CNTLN: variants seen among roughly 807,000 people sequenced by gnomAD.
CNTLN encodes centlein, centrosomal protein.
In CNTLN, 212 loss-of-function variants were observed where a neutral mutation model predicts 180.0. The observed-to-expected ratio is 1.18, with a 90% CI of 1.05 to 1.32. CNTLN has a LOEUF of 1.32. CNTLN is among the 40% of genes most tolerant of loss of function. The probability of loss-of-function intolerance (pLI) is 0.00; values close to 1 mark genes in which losing one functional copy is unlikely to be tolerated. For missense variants in CNTLN, 2,095 were observed against 1,610.9 expected (o/e 1.30, Z -5.14); for synonymous variants, 722 against 563.1 (o/e 1.28, Z -3.99).
chr9:17,143,282 T>G lies in CNTLN; in HGVS notation c.361-6T>G. On this transcript the variant is annotated splice_region_variant and splice_polypyrimidine_tract_variant and intron_variant, in intron 1 of 25. Transcript: ENST00000380647. ...ATGCATCTAAATTCTCTTTTATTTCTTTAAGGCTGATAAAGAATTTGTATG... is the reference window on the plus strand; with the variant it reads ...ATGCATCTAAATTCTCTTTTATTTCGTTAAGGCTGATAAAGAATTTGTATG... 6.2e-7 allele frequency: 1 copy of G among 1,607,394 alleles called. No individual in the cohort carries two copies. Among genetic ancestry groups the G allele is most frequent in the Non-Finnish European group, 8.5e-7 (1 of 1,175,138 alleles).
chr9:17,309,586 A>G (rs1818982508), intron 8 of CNTLN, among the ~76,000 whole-genome samples: 1 of 52,020 alleles, frequency 1.9e-5, no homozygotes, highest in South Asian at 4.4e-4. Context: ...AATAGAAAGT[A>G]TCTAACTAAG....
intron 1 of CNTLN, among the ~76,000 whole-genome samples, chr9:17,135,692 C>T (rs1283064831): frequency 1.3e-5 from 2 of 152,152 alleles, no homozygotes; most frequent in African/African-American, 2.4e-5. Flanking sequence ...TGGATACTCG[C>T]AGTCGCATCC....
At position 17,464,252 on chromosome 9, in the gene CNTLN, T is replaced by G. The variant is rs1489422042; in HGVS notation, c.3405-245T>G. Among the ~76,000 whole-genome samples the G allele has an allele frequency of 2.6e-5, 4 of 151,388 alleles. No homozygotes were observed. The East Asian group carries it at 7.7e-4, about 29-fold the overall frequency. ...TGTTATTAATTTTTCTCATTTCTTA[T>G]ATATTTTGTTTTAATACATATATGT... On this transcript the variant is annotated intron_variant, in intron 20 of 25. Transcript: ENST00000380647.
At chr9:17,500,072 T>C (rs1272305235) in intron 25 of CNTLN, among the ~76,000 whole-genome samples, 2 of 152,222 alleles carry the variant, frequency 1.3e-5, no homozygotes, top group Admixed American at 1.3e-4. Flanking sequence ...GCAAGGGCAG[T>C]AGATGTACAC....
Position 17,135,378 on chromosome 9 carries a change from C to T in CNTLN, c.313C>T (p.Leu105=). 6.3e-7 allele frequency: 1 copy of T among 1,599,552 alleles called. No homozygotes were observed. Among genetic ancestry groups the T allele is most frequent in the Non-Finnish European group, 8.5e-7 (1 of 1,174,072 alleles). ...EEAMVTRTQL[L]EEELSSLKEE... ...GGCGATGGTGACCCGGACGCAGCTG[C>T]TGGAGGAAGAGCTGAGCAGCCTAAA... The change falls in exon 1 of 26, where the codon CTG becomes TTG. Residue 105 remains leucine, a synonymous_variant. Transcript: ENST00000380647.
In CNTLN at chr9:17,152,321, A is replaced by G. The variant is rs180674853; in HGVS notation, c.449+8945A>G. Reference sequence around the variant, plus strand: ...TTAGTACTATAAATTCCCCCTAAACACTGCTTTAGCTGTGTCCCAGAGATT... The same window carrying G: ...TTAGTACTATAAATTCCCCCTAAACGCTGCTTTAGCTGTGTCCCAGAGATT... On this transcript the variant is annotated intron_variant, in intron 2 of 25. Coordinates refer to ENST00000380647, the MANE Select transcript of CNTLN (RefSeq NM_017738.4). 5.1e-3 allele frequency among the ~76,000 whole-genome samples: 772 copies of G among 152,260 alleles called. 5 individuals are homozygous for G. Among genetic ancestry groups the G allele is most frequent in the Admixed American group, 8.0e-3 (122 of 15,298 alleles).
chr9:17,448,111 G>A (rs1014082768), intron 18 of CNTLN: 29 of 194,256 alleles, frequency 1.5e-4, no homozygotes, highest in South Asian at 4.5e-4. Flanking sequence ...GCCAAGTACC[G>A]TACTCCCTTC....
intron 1 of CNTLN, among the ~76,000 whole-genome samples, chr9:17,138,855 G>C (rs1466061812): frequency 6.6e-6 from 1 of 152,082 alleles, no homozygotes. Flanking sequence ...ATGGCAATTT[G>C]GGGTGTCTGT....
intron 2 of CNTLN, among the ~76,000 whole-genome samples, chr9:17,212,444 G>T (rs1276610688): frequency 6.6e-6 from 1 of 152,186 alleles, no homozygotes; most frequent in African/African-American, 2.4e-5. Context: ...ATGTGCTGCT[G>T]GATTTGGTTT....
intron 18 of CNTLN, among the ~76,000 whole-genome samples, chr9:17,417,828 A>T (rs1828381917): frequency 6.6e-6 from 1 of 151,802 alleles, no homozygotes; most frequent in Admixed American, 6.6e-5. Context: ...CTAATTTTTG[A>T]GGTGCCATAC....
chr9:17,164,457 GTTTT>G (rs772109564), intron 2 of CNTLN, among the ~76,000 whole-genome samples: 15 of 68,458 alleles, frequency 2.2e-4, no homozygotes, highest in African/African-American at 3.6e-4. Context: ...TTATTTTTAT[GTTTT>G]TTTTTTTTTT....
At chr9:17,346,181 G>A (rs2133247229) in intron 12 of CNTLN, among the ~76,000 whole-genome samples, 1 of 152,262 alleles carries the variant, frequency 6.6e-6, no homozygotes, top group South Asian at 2.1e-4. Context: ...CAGAGGAGAG[G>A]AGTGAGAAGT....
At chr9:17,135,715 C>A (rs1383535746) in intron 1 of CNTLN, among the ~76,000 whole-genome samples, 1 of 152,216 alleles carries the variant, frequency 6.6e-6, no homozygotes, top group African/African-American at 2.4e-5. Flanking sequence ...TCCGCTTCCC[C>A]CCCAAGCCCA....
At chr9:17,301,022 T>C (rs1818307129) in intron 7 of CNTLN, 1 of 984,678 alleles carries the variant, frequency 1.0e-6, no homozygotes, top group African/African-American at 1.7e-5. Context: ...GTAATAGTAG[T>C]AGAGGGAAAT....
chr9:17,178,762 T>C (rs989400219), intron 2 of CNTLN, among the ~76,000 whole-genome samples: 5 of 151,784 alleles, frequency 3.3e-5, no homozygotes, highest in African/African-American at 1.2e-4. Flanking sequence ...TGCCAGCGTC[T>C]CTCCCTCCAC....
At chr9:17,209,498 G>T (rs1478667609) in intron 2 of CNTLN, among the ~76,000 whole-genome samples, 1 of 152,146 alleles carries the variant, frequency 6.6e-6, no homozygotes, top group African/African-American at 2.4e-5. Flanking sequence ...GGATGATTCT[G>T]TCTAATGCTG....
At chr9:17,473,269 C>T (rs956662396) in intron 23 of CNTLN, among the ~76,000 whole-genome samples, 25 of 152,214 alleles carry the variant, frequency 1.6e-4, no homozygotes, top group African/African-American at 5.1e-4. Flanking sequence ...TCTCAAACCT[C>T]CAGCATCCTC....
intron 2 of CNTLN, among the ~76,000 whole-genome samples, chr9:17,221,031 T>A (rs139165739): frequency 3.9e-4 from 59 of 152,276 alleles, no homozygotes; most frequent in Middle Eastern, 6.8e-3. Context: ...AAAGGAACTA[T>A]CTGACTGTAG....
At chr9:17,164,585 T>G (rs1013273046) in intron 2 of CNTLN, among the ~76,000 whole-genome samples, 1 of 149,350 alleles carries the variant, frequency 6.7e-6, no homozygotes, top group African/African-American at 2.5e-5. Flanking sequence ...TAGCTGGGAT[T>G]ACAGGCGTGC....
Sources: gnomAD v4.1 joint callset for allele counts (sites outside exome capture counted in the v4.1 genomes callset) on GRCh38, gnomAD v4.1.1 for gene constraint, MANE v1.5 for transcripts, NCBI Gene and HGNC (gene_info 2026-07-23, HGNC 2026-07-21) for gene names.